Variants in EPHA6 observed in about 807,000 individuals in gnomAD.
EPHA6 encodes the protein ephrin type-A receptor 6.
A neutral mutation model predicts 112.0 loss-of-function variants in EPHA6; 50 were observed. The ratio of observed to expected loss-of-function variants is 0.45; its 90% CI spans 0.36 to 0.56. The LOEUF (loss-of-function observed/expected upper bound fraction) is 0.56, where lower values mean the gene tolerates loss of function less well. Ranked by LOEUF, EPHA6 falls within the 20% of genes least tolerant of loss-of-function variation. The pLI is 0.00. For synonymous variants in EPHA6, 529 were observed against 490.7 expected (o/e 1.08, Z -1.03); for missense variants, 1,280 against 1,417.4 (o/e 0.90, Z 1.56).
At chr3:97,399,148 A>G (rs922269367) in intron 5 of EPHA6, among the ~76,000 whole-genome samples, 8 of 151,496 alleles carry the variant, frequency 5.3e-5, no homozygotes, top group African/African-American at 1.7e-4. Context: ...ATGCTGTACA[A>G]TAAGATCAAA....
At position 97,482,222 on chromosome 3, in the gene EPHA6, C is replaced by A. The variant is rs188025147; in HGVS notation, c.2075-1712C>A. The stretch of plus-strand genomic sequence containing the variant: ...TTGAATAGTTTAATAGTTAAAACCA[C>A]ATATGAGTTAATAAATGATGCTTGT... On this transcript the variant is annotated intron_variant, in intron 9 of 17. Coordinates refer to ENST00000389672, the MANE Select transcript of EPHA6 (RefSeq NM_001080448.3). Among the ~76,000 whole-genome samples, 697 of 152,260 alleles carry A rather than the reference C, an allele frequency of 4.6e-3. 15 individuals carry two copies. Among genetic ancestry groups the A allele is most frequent in the African/African-American group, 0.016 (662 of 41,530 alleles).
At chr3:96,952,074 C>T (rs1039380868) in intron 2 of EPHA6, among the ~76,000 whole-genome samples, 2 of 152,106 alleles carry the variant, frequency 1.3e-5, no homozygotes, top group African/African-American at 4.8e-5. Context: ...TTTCTCATCA[C>T]TCAGCCTGGG....
chr3:97,435,096 C>T (rs962024558), intron 6 of EPHA6, among the ~76,000 whole-genome samples: 1 of 152,024 alleles, frequency 6.6e-6, no homozygotes, highest in Admixed American at 6.6e-5. Flanking sequence ...TTCTACCCTA[C>T]TTGGTTGGTC....
At chr3:97,141,465 AAAT>A (rs2075902473) in intron 3 of EPHA6, among the ~76,000 whole-genome samples, 1 of 151,842 alleles carries the variant, frequency 6.6e-6, no homozygotes, top group South Asian at 2.1e-4. Flanking sequence ...AAAAAAATAA[AAAT>A]AATATCAAGT....
intron 2 of EPHA6, among the ~76,000 whole-genome samples, chr3:96,919,962 A>G (rs192707723): frequency 1.3e-5 from 2 of 151,940 alleles, no homozygotes; most frequent in African/African-American, 4.8e-5. Context: ...AATTGTAAGT[A>G]TTAATAAAAC....
At chr3:97,425,889 C>T (rs2089078599) in intron 6 of EPHA6, among the ~76,000 whole-genome samples, 1 of 152,142 alleles carries the variant, frequency 6.6e-6, no homozygotes, top group Non-Finnish European at 1.5e-5. Context: ...AAAATGCCTC[C>T]AGTTTCTTTG....
rs891534490 is a variant in EPHA6, at chr3:97,750,145, A to T, written c.*1444A>T. 1.3e-5 allele frequency among the ~76,000 whole-genome samples: 2 copies of T among 152,168 alleles called. No individual in the cohort carries two copies. The highest frequency in any genetic ancestry group is 4.8e-5 in the African/African-American group (2 of 41,448). Reference sequence around the variant, plus strand: ...AAATGACGACTGTTTTAGGTGAAAGAGTAAGTAAAATGTGTTGAGAGAAAA... The same window carrying T: ...AAATGACGACTGTTTTAGGTGAAAGTGTAAGTAAAATGTGTTGAGAGAAAA... On this transcript the variant is annotated 3_prime_UTR_variant, in exon 18 of 18. Transcript: ENST00000389672.
At chr3:96,868,045 G>A (rs944340580) in intron 2 of EPHA6, among the ~76,000 whole-genome samples, 4 of 151,670 alleles carry the variant, frequency 2.6e-5, no homozygotes, top group East Asian at 3.9e-4. Context: ...TATCTTCATT[G>A]TCTTATTTCC....
intron 11 of EPHA6, among the ~76,000 whole-genome samples, chr3:97,544,266 A>C (rs2092912634): frequency 6.6e-6 from 1 of 152,110 alleles, no homozygotes; most frequent in Non-Finnish European, 1.5e-5. Context: ...GATACGTCCC[A>C]TCAATACCTA....
chr3:97,133,857 G>A (rs1320709545), intron 3 of EPHA6, among the ~76,000 whole-genome samples: 1 of 151,768 alleles, frequency 6.6e-6, no homozygotes, highest in Non-Finnish European at 1.5e-5. Flanking sequence ...TTCTCAATAG[G>A]GAATTCTAAA....
chr3:96,833,062 G>A lies in EPHA6; in HGVS notation c.385+18054G>A, dbSNP rs143534585. Among the ~76,000 whole-genome samples, 31 of 151,614 alleles carry A rather than the reference G, an allele frequency of 2.0e-4. No homozygotes were observed. The East Asian group carries it at 6.0e-3, about 29-fold the overall frequency. On this transcript the variant is annotated intron_variant, in intron 1 of 17. Transcript: ENST00000389672. ...TACAGTATCTTCTGCGTTGAATTAT[G>A]TCCTCTCAAAATTCGTATGTTGAAG... is the stretch of plus-strand genomic sequence containing the variant.
In EPHA6 at chr3:97,755,233, G is replaced by T. The variant is rs1430832362; in HGVS notation, c.*6532G>T. 6.6e-6 allele frequency among the ~76,000 whole-genome samples: 1 copy of T among 152,136 alleles called. No homozygotes were observed. The highest frequency in any genetic ancestry group is 1.9e-4 in the East Asian group (1 of 5,198). ...TGAGGAGGAAAAGTAGCTCTTAAAT[G>T]TTAAATAAAGATGTGGCTTCTATAT... On this transcript the variant is annotated 3_prime_UTR_variant, in exon 18 of 18. Coordinates refer to ENST00000389672, the MANE Select transcript of EPHA6 (RefSeq NM_001080448.3).
At chr3:97,484,119 A>C (rs960616936) in intron 10 of EPHA6, 60 bp downstream of exon 10, 1 of 1,487,950 alleles carries the variant, frequency 6.7e-7, no homozygotes, top group Non-Finnish European at 9.0e-7. Context: ...TAACTGGTTT[A>C]TCAACATACT....
At chr3:97,224,949 TTTTG>T (rs553730421) in intron 3 of EPHA6, among the ~76,000 whole-genome samples, 56 of 152,060 alleles carry the variant, frequency 3.7e-4, no homozygotes, top group East Asian at 9.7e-4. Context: ...TTTTGGGTTT[TTTTG>T]TTTGTTTGTT....
chr3:96,866,936 G>A (rs372867987), intron 2 of EPHA6, 47 bp downstream of exon 2: 26 of 1,141,316 alleles, frequency 2.3e-5, no homozygotes, highest in Non-Finnish European at 2.9e-5. Context: ...AGATTTTTAA[G>A]ATCTCCTAAT....
chr3:96,886,319 A>T (rs952400436), intron 2 of EPHA6, among the ~76,000 whole-genome samples: 1 of 152,148 alleles, frequency 6.6e-6, no homozygotes, highest in African/African-American at 2.4e-5. Flanking sequence ...CTCATTTCTT[A>T]GGTCTATGAG....
intron 5 of EPHA6, among the ~76,000 whole-genome samples, chr3:97,381,910 A>C (rs1338102738): frequency 1.3e-5 from 2 of 152,210 alleles, no homozygotes; most frequent in South Asian, 2.1e-4. Context: ...GCACTTAATA[A>C]AGAAATTATT....
At chr3:97,404,785 T>C (rs889657417) in intron 5 of EPHA6, among the ~76,000 whole-genome samples, 1 of 152,168 alleles carries the variant, frequency 6.6e-6, no homozygotes, top group Non-Finnish European at 1.5e-5. Context: ...TGTTTTTTCC[T>C]ACAGTAGATC....
intron 6 of EPHA6, among the ~76,000 whole-genome samples, chr3:97,435,117 T>C (rs9835430): frequency 6.6e-6 from 1 of 152,042 alleles, no homozygotes; most frequent in Non-Finnish European, 1.5e-5. Flanking sequence ...AAATCAGTCA[T>C]ATACTAGATC....
Sources: allele counts gnomAD v4.1 joint callset (sites outside exome capture counted in the v4.1 genomes callset), GRCh38; gene constraint gnomAD v4.1.1; transcripts MANE v1.5; gene names NCBI Gene and HGNC (gene_info 2026-07-23, HGNC 2026-07-21).